Variants in MOSMO observed in about 807,000 individuals in gnomAD.
MOSMO encodes the protein modulator of smoothened.
MOSMO carries 5 observed loss-of-function variants against 18.4 expected under a neutral mutation model. The observed-to-expected ratio is 0.27, with a 90% CI of 0.14 to 0.57. The LOEUF (loss-of-function observed/expected upper bound fraction) is 0.57. Among genes scored for constraint, MOSMO ranks in the 20% least tolerant of loss-of-function variants. The pLI is 0.92. For missense variants in MOSMO, 138 were observed against 211.8 expected (o/e 0.65, Z 2.16); for synonymous variants, 82 against 82.3 (o/e 1.00, Z 0.02).
chr16:22,016,301 A>T (rs1490136275), intron 1 of MOSMO, among the ~76,000 whole-genome samples: 4 of 152,218 alleles, frequency 2.6e-5, no homozygotes. Context: ...CATATAAGAG[A>T]TTAGCACATT....
chr16:22,052,171 T>C (rs1173643189), intron 1 of MOSMO, among the ~76,000 whole-genome samples: 1 of 152,186 alleles, frequency 6.6e-6, no homozygotes, highest in Non-Finnish European at 1.5e-5. Flanking sequence ...AACAAAAGAC[T>C]GGAAATAATC....
At chr16:22,046,837 C>T (rs912850485) in intron 1 of MOSMO, among the ~76,000 whole-genome samples, 8 of 152,120 alleles carry the variant, frequency 5.3e-5, no homozygotes, top group African/African-American at 9.7e-5. Context: ...ACGTGGATTA[C>T]GTCCTCAGAT....
intron 1 of MOSMO, among the ~76,000 whole-genome samples, chr16:22,041,339 C>T (rs1478413447): frequency 2.0e-5 from 3 of 152,080 alleles, no homozygotes; most frequent in African/African-American, 7.2e-5. Flanking sequence ...AGATCCATAG[C>T]CTAAGACAAT....
chr16:22,022,836 G>A (rs147388233), intron 1 of MOSMO, among the ~76,000 whole-genome samples: 34 of 152,222 alleles, frequency 2.2e-4, no homozygotes, highest in South Asian at 6.2e-4. Context: ...CACCAGAACC[G>A]GACCTTGCTG....
chr16:22,033,927 T>G (rs1482295835), intron 1 of MOSMO, among the ~76,000 whole-genome samples: 2 of 152,206 alleles, frequency 1.3e-5, no homozygotes, highest in African/African-American at 4.8e-5. Context: ...TGAATATCTC[T>G]TGTAATTTAT....
chr16:22,014,925 T>A (rs1026146702), intron 1 of MOSMO, among the ~76,000 whole-genome samples: 9 of 152,338 alleles, frequency 5.9e-5, no homozygotes, highest in South Asian at 4.1e-4. Flanking sequence ...AAATTTTTTT[T>A]AAAGAGCTTT....
At position 22,008,212 on chromosome 16, in the gene MOSMO, A is replaced by C; in HGVS notation, c.-90A>C. ...GGGGGCGCGAGGCAGCGGCGCGGGG[A>C]CTCCGGGCCCCGGCGGCGGCCCATG... is the stretch of plus-strand genomic sequence containing the variant. On this transcript the variant is annotated 5_prime_UTR_variant, in exon 1 of 3. Transcript: ENST00000542527. 1.9e-6 allele frequency: 1 copy of C among 533,546 alleles called. No individual in the cohort carries two copies. The allele number at this position is 533,546 out of a possible 1,614,324, so 33.1% of individuals were successfully genotyped here. A position where few individuals can be genotyped will look rare whatever the true frequency, so the allele number is the denominator to read the frequency against.
At chr16:22,089,026 A>G (rs1378813670), downstream of MOSMO, among the ~76,000 whole-genome samples, 3 of 151,244 alleles carry the variant, frequency 2.0e-5, no homozygotes, top group Non-Finnish European at 2.9e-5. Context: ...AGTAAGAAAA[A>G]CCTCCCACTT....
chr16:22,008,979 G>C (rs963192073), intron 1 of MOSMO, among the ~76,000 whole-genome samples: 8 of 152,002 alleles, frequency 5.3e-5, no homozygotes, highest in African/African-American at 1.9e-4. Context: ...TGCGGGCGCT[G>C]ACCCCACCAG....
intron 1 of MOSMO, among the ~76,000 whole-genome samples, chr16:22,054,745 A>G (rs1598015679): frequency 6.6e-6 from 1 of 152,176 alleles, no homozygotes; most frequent in African/African-American, 2.4e-5. Flanking sequence ...GATAGGAAAC[A>G]AAAGTCAGTG....
chr16:22,064,822 C>T (rs545947637), intron 1 of MOSMO, among the ~76,000 whole-genome samples: 1 of 152,256 alleles, frequency 6.6e-6, no homozygotes, highest in African/African-American at 2.4e-5. Flanking sequence ...CACCCCCTCT[C>T]CCCACGTCAC....
rs541738819 is a variant in MOSMO at position 22,011,716 on chromosome 16, C to T, written c.106+3309C>T. On this transcript the variant is annotated intron_variant, in intron 1 of 2. Transcript: ENST00000542527. The stretch of plus-strand genomic sequence containing the variant: ...TCCTTGCCATCTCAGGATACCACTC[C>T]GTTAAATATTATGGCTAGAAAGAGG... 1.1e-4 allele frequency among the ~76,000 whole-genome samples: 16 copies of T among 151,874 alleles called. No homozygotes were observed. The South Asian group carries it at 2.9e-3, about 28-fold the overall frequency.
intron 1 of MOSMO, among the ~76,000 whole-genome samples, chr16:22,032,710 C>T (rs1900020664): frequency 6.6e-6 from 1 of 152,014 alleles, no homozygotes; most frequent in African/African-American, 2.4e-5. Flanking sequence ...CTCTGCCCAT[C>T]TAACTTTTTA....
At chr16:22,031,582 C>G (rs1232001854) in intron 1 of MOSMO, among the ~76,000 whole-genome samples, 1 of 152,184 alleles carries the variant, frequency 6.6e-6, no homozygotes, top group Non-Finnish European at 1.5e-5. Context: ...TACAGTTTAC[C>G]TATTTGGATA....
At chr16:22,069,453 A>C (rs1900806025) in intron 1 of MOSMO, among the ~76,000 whole-genome samples, 1 of 152,086 alleles carries the variant, frequency 6.6e-6, no homozygotes, top group Admixed American at 6.5e-5. Context: ...AAGATCCCTA[A>C]AGAACACAAA....
rs1367951843 is a variant in MOSMO at position 22,082,390 on chromosome 16, G to A, written c.*1510G>A. The A allele has an allele frequency of 2.6e-5, 4 of 152,148 alleles. No homozygotes were observed. Among genetic ancestry groups the A allele is most frequent in the Admixed American group, 2.6e-4 (4 of 15,278 alleles). 9.4% of individuals were successfully genotyped at this position (152,148 alleles called of 1,614,324 possible). A position where few individuals can be genotyped will look rare whatever the true frequency, so the allele number is the denominator to read the frequency against. ...TCTCCATGCCTTCGCATCAATGCTT[G>A]TTTTTCCTGGTGAACACTATAGATA... On this transcript the variant is annotated 3_prime_UTR_variant, in exon 3 of 3. Transcript: ENST00000542527.
chr16:22,030,370 G>T (rs1404683132), intron 1 of MOSMO, among the ~76,000 whole-genome samples: 3 of 152,168 alleles, frequency 2.0e-5, no homozygotes, highest in Non-Finnish European at 4.4e-5. Flanking sequence ...AAAAGTGTAT[G>T]TCTGCACAAA....
At chr16:22,008,953 G>A (rs1190416256) in intron 1 of MOSMO, among the ~76,000 whole-genome samples, 1 of 151,860 alleles carries the variant, frequency 6.6e-6, no homozygotes, top group Non-Finnish European at 1.5e-5. Flanking sequence ...AGCTGCGGCC[G>A]GGGGCGAGCC....
At chr16:22,065,518 A>G (rs1011182529) in intron 1 of MOSMO, among the ~76,000 whole-genome samples, 3 of 152,172 alleles carry the variant, frequency 2.0e-5, no homozygotes, top group African/African-American at 7.2e-5. Flanking sequence ...ACTACTTTTT[A>G]TGACCAATAG....
Sources: gnomAD v4.1 joint callset for allele counts (sites outside exome capture counted in the v4.1 genomes callset) on GRCh38, gnomAD v4.1.1 for gene constraint, MANE v1.5 for transcripts, NCBI Gene and HGNC (gene_info 2026-07-23, HGNC 2026-07-21) for gene names.